Variants in DNAJC6 observed in about 807,000 individuals in gnomAD.
The protein encoded by DNAJC6 is auxilin.
A neutral mutation model predicts 110.0 loss-of-function variants in DNAJC6; 34 were observed. That is an observed-to-expected ratio of 0.31 (90% CI 0.24 to 0.41). The LOEUF (loss-of-function observed/expected upper bound fraction) is 0.41. DNAJC6 is among the 10% of genes least tolerant of loss of function. The probability of loss-of-function intolerance (pLI) is 1.00; values close to 1 mark genes in which losing one functional copy is unlikely to be tolerated. For missense variants in DNAJC6, 1,031 were observed against 1,207.8 expected, an observed-to-expected ratio of 0.85 and a Z score of 2.17; for synonymous variants, 406 against 437.2, an observed-to-expected ratio of 0.93 and a Z score of 0.89.
At chr1:65,298,173 C>G (rs779278433) in intron 1 of DNAJC6, among the ~76,000 whole-genome samples, 1 of 152,114 alleles carries the variant, frequency 6.6e-6, no homozygotes, top group Non-Finnish European at 1.5e-5. Context: ...TAAATTGGCT[C>G]TTATCTGGGC....
At chr1:65,345,681 A>T in intron 1 of DNAJC6, 1 of 976,836 alleles carries the variant, frequency 1.0e-6, no homozygotes, top group South Asian at 4.7e-5. Context: ...GAGTGGAAGG[A>T]GTCTGAAGAG....
At chr1:65,284,182 T>C (rs566262014) in intron 1 of DNAJC6, among the ~76,000 whole-genome samples, 1 of 152,308 alleles carries the variant, frequency 6.6e-6, no homozygotes, top group East Asian at 1.9e-4. Context: ...ACCTCAGTGA[T>C]GTCACCCTCC....
chr1:65,375,426 C>CT (rs34114134), intron 4 of DNAJC6, among the ~76,000 whole-genome samples: 249 of 137,102 alleles, frequency 1.8e-3, no homozygotes, highest in Middle Eastern at 7.5e-3. Context: ...TGAAGTAAAA[C>CT]TTTTTTTTTT....
At position 65,341,793 on chromosome 1, in the gene DNAJC6, G is replaced by C. The variant is rs555486789; in HGVS notation, c.194-22842G>C. Among the ~76,000 whole-genome samples the C allele has an allele frequency of 2.0e-5, 3 of 152,160 alleles. No homozygotes were observed. The South Asian group carries it at 6.2e-4, about 32-fold the overall frequency. ...GACCCTAAAGGCTGTGTGTGCCTGT[G>C]GGGTGGGTGGGACTGGGCAGCAAGA... On this transcript the variant is annotated intron_variant, in intron 1 of 18. Transcript: ENST00000371069.
chr1:65,271,473 CT>C (rs1653502087), intron 1 of DNAJC6, among the ~76,000 whole-genome samples: 1 of 152,110 alleles, frequency 6.6e-6, no homozygotes, highest in Non-Finnish European at 1.5e-5. Context: ...GTAAGTTTGG[CT>C]TTTTTAGATT....
intron 6 of DNAJC6, 35 bp downstream of exon 6, chr1:65,384,361 T>C (rs1645850754): frequency 6.7e-7 from 1 of 1,488,622 alleles, no homozygotes; most frequent in Non-Finnish European, 8.9e-7. Flanking sequence ...GGCACAGATG[T>C]AGTCTAATTG....
At chr1:65,318,307 G>GT (rs67274089) in intron 1 of DNAJC6, among the ~76,000 whole-genome samples, 18,146 of 151,384 alleles carry the variant, frequency 0.12, 1,439 homozygotes, top group East Asian at 0.27. Flanking sequence ...TAAAATATAT[G>GT]TTTTTTTTTC....
chr1:65,309,972 C>A, intron 1 of DNAJC6, 34 bp downstream of exon 1: 1 of 1,365,674 alleles, frequency 7.3e-7, no homozygotes, highest in Admixed American at 3.7e-5. Context: ...AGCGCTGAGC[C>A]CCGCGCGGCC....
chr1:65,316,401 C>T (rs1645149247), intron 1 of DNAJC6, among the ~76,000 whole-genome samples: 1 of 152,206 alleles, frequency 6.6e-6, no homozygotes. Context: ...ATGCAATGGT[C>T]ATTCTCCATG....
At chr1:65,337,736 G>A (rs1423341239) in intron 1 of DNAJC6, among the ~76,000 whole-genome samples, 5 of 152,134 alleles carry the variant, frequency 3.3e-5, no homozygotes, top group African/African-American at 1.2e-4. Context: ...ATCTAGAGAT[G>A]ATTTAAAGTA....
chr1:65,361,027 A>G (rs1434378592), intron 1 of DNAJC6, among the ~76,000 whole-genome samples: 1 of 152,204 alleles, frequency 6.6e-6, no homozygotes, highest in Admixed American at 6.5e-5. Flanking sequence ...AAGATGTAGA[A>G]TAGTGTGAAA....
At chr1:65,298,619 G>T (rs1183780673) in intron 1 of DNAJC6, 4 of 151,802 alleles carry the variant, frequency 2.6e-5, no homozygotes. Context: ...CGTTCAAAGT[G>T]TTTGTTAATT....
At chr1:65,359,009 A>T (rs568131835) in intron 1 of DNAJC6, among the ~76,000 whole-genome samples, 16 of 152,276 alleles carry the variant, frequency 1.1e-4, no homozygotes, top group African/African-American at 3.8e-4. Context: ...CTTTGATACC[A>T]CTTCTCACAG....
At chr1:65,379,680 G>A in intron 5 of DNAJC6, 156 bp downstream of exon 5, 1 of 1,117,610 alleles carries the variant, frequency 8.9e-7, no homozygotes, top group Non-Finnish European at 1.3e-6. Flanking sequence ...AATAAGAAAG[G>A]GATTTATTAT....
chr1:65,323,301 A>G (rs1019910385), intron 1 of DNAJC6, among the ~76,000 whole-genome samples: 6 of 152,206 alleles, frequency 3.9e-5, no homozygotes, highest in African/African-American at 1.4e-4. Context: ...GAGATGATTG[A>G]ATCATGGGGG....
intron 1 of DNAJC6, among the ~76,000 whole-genome samples, chr1:65,336,264 A>G (rs1200239974): frequency 1.3e-5 from 2 of 152,062 alleles, no homozygotes; most frequent in East Asian, 3.9e-4. Flanking sequence ...TGAAACTATT[A>G]TATCTTGTGA....
chr1:65,286,599 G>C (rs546009750), intron 1 of DNAJC6, among the ~76,000 whole-genome samples: 2 of 152,188 alleles, frequency 1.3e-5, no homozygotes, highest in African/African-American at 4.8e-5. Flanking sequence ...CACTTTTTAG[G>C]GTTGAAAAGC....
Position 65,411,339 on chromosome 1 carries a change from G to T in DNAJC6, c.2724G>T (p.Trp908Cys). Residue 908 changes from tryptophan to cysteine, a missense_variant, in exon 18 of 19, where the codon TGG becomes TGT. Transcript: ENST00000371069. ...TACTATGGGCTGGGGAGACCAAGTGGAAACCAGTTGGCATGGCAGACCTGG... is the reference window on the plus strand; with the variant it reads ...TACTATGGGCTGGGGAGACCAAGTGTAAACCAGTTGGCATGGCAGACCTGG... ...HTVLWAGETKWKPVGMADLVT... is the reference protein window; with the variant it reads ...HTVLWAGETKCKPVGMADLVT... 6.2e-7 allele frequency: 1 copy of T among 1,614,216 alleles called. No homozygotes were observed. Among genetic ancestry groups the T allele is most frequent in the South Asian group, 1.1e-5 (1 of 91,078 alleles).
chr1:65,412,903 G>T (rs933708286), intron 18 of DNAJC6, 21 bp from the exon 19 acceptor site: 7 of 1,603,994 alleles, frequency 4.4e-6, no homozygotes, highest in Non-Finnish European at 5.1e-6. Context: ...TATCTAATGT[G>T]TGTTTTTGTT....
Sources: gnomAD v4.1 joint callset for allele counts (sites outside exome capture counted in the v4.1 genomes callset) on GRCh38, gnomAD v4.1.1 for gene constraint, MANE v1.5 for transcripts, NCBI Gene and HGNC (gene_info 2026-07-23, HGNC 2026-07-21) for gene names.